TRPV6: variants seen among roughly 807,000 people sequenced by gnomAD.
TRPV6 encodes the protein Alu-binding protein with zinc finger domain.
A neutral mutation model predicts 79.0 loss-of-function variants in TRPV6; 39 were observed. The observed-to-expected ratio is 0.49, with a 90% confidence interval of 0.38 to 0.64. The LOEUF (loss-of-function observed/expected upper bound fraction) is 0.64, where lower values mean the gene tolerates loss of function less well. TRPV6 is among the 30% of genes least tolerant of loss of function. The pLI is 0.00. For missense variants in TRPV6, 813 were observed against 1,011.1 expected (o/e 0.80, Z 2.66); for synonymous variants, 373 against 391.9 (o/e 0.95, Z 0.57).
intron 6 of TRPV6, chr7:142,876,207 T>G (rs4987659): frequency 0.034 from 28,734 of 835,184 alleles, 1,163 homozygotes; most frequent in African/African-American, 0.18. Flanking sequence ...GGATCTAGAC[T>G]CTGTAACCCC....
At chr7:142,882,022 G>A (rs1038407105) in intron 1 of TRPV6, 1 of 152,212 alleles carries the variant, frequency 6.6e-6, no homozygotes, top group Non-Finnish European at 1.5e-5. Context: ...CAGAGACAGA[G>A]CCACGACGCA....
At position 142,876,759 on chromosome 7, in the gene TRPV6, A is replaced by G; in HGVS notation, c.686T>C (p.Ile229Thr). The change falls in exon 5 of 15, where the codon ATC (isoleucine) becomes ACC (threonine). Residue 229 changes from isoleucine to threonine, a missense_variant. Physicochemically the swap from Ile to Thr is moderately conservative, Grantham distance 89. This residue lies in a region of TRPV6 where 555 missense variants were observed against 631.0 expected (regional missense o/e 0.88). Transcript: ENST00000359396. The stretch of plus-strand genomic sequence containing the variant: ...CTTACCCAGGGAGTCCTGGGCCCGG[A>G]TGTCAGCTCCATGCTCAATGAGCAG... The G allele has an allele frequency of 6.2e-7, 1 of 1,613,894 alleles. No individual in the cohort carries two copies. The highest frequency in any genetic ancestry group is 8.5e-7 in the Non-Finnish European group (1 of 1,179,964).
intron 1 of TRPV6, chr7:142,882,082 G>T (rs1795202446): frequency 6.6e-6 from 1 of 152,236 alleles, no homozygotes; most frequent in African/African-American, 2.4e-5. Flanking sequence ...AATCAGGGCT[G>T]GAAGAGGAGT....
intron 3 of TRPV6, 23 bp from the exon 4 acceptor site, chr7:142,877,302 T>C: frequency 6.2e-7 from 1 of 1,612,098 alleles, no homozygotes; most frequent in Non-Finnish European, 8.5e-7. Context: ...CAGCTGTCAG[T>C]CACGGGTCTG....
rs376154020 is a variant in TRPV6 at position 142,874,949 on chromosome 7, C to T, written c.1361G>A (p.Arg454His). 12 of 1,613,956 alleles carry T rather than the reference C, an allele frequency of 7.4e-6. No homozygotes were observed. The highest frequency in any genetic ancestry group is 2.7e-5 in the African/African-American group (2 of 74,882). The stretch of plus-strand genomic sequence containing the variant: ...CCCAAGGATGGTCTGTCCAAAGAAG[C>T]GAGTGACCCCCATTCTGAAGATGTC... Residue 454 changes from arginine (R) to histidine (H), a missense_variant, in exon 10 of 15, where the codon CGC (arginine) becomes CAC (histidine). Coordinates refer to ENST00000359396, the MANE Select transcript of TRPV6 (RefSeq NM_018646.6).
Position 142,885,673 on chromosome 7 carries a change from G to T in TRPV6, c.-37C>A, listed in dbSNP as rs1795291892. ...TGCCTTCCTGACGAGTTCCTTGGGA[G>T]TCTCCCAGCAGCCCCAGCCAGTTTG... On this transcript the variant is annotated 5_prime_UTR_variant, in exon 1 of 15. Coordinates refer to ENST00000359396, the MANE Select transcript of TRPV6 (RefSeq NM_018646.6). 1 of 1,041,502 alleles carries T rather than the reference G, an allele frequency of 9.6e-7. No homozygotes were observed. Among genetic ancestry groups the T allele is most frequent in the Non-Finnish European group, 1.3e-6 (1 of 746,534 alleles). The allele number at this position is 1,041,502 out of a possible 1,614,324, so 64.5% of individuals were successfully genotyped here.
chr7:142,876,714 C>G (rs1795080814), intron 5 of TRPV6, 25 bp downstream of exon 5: 1 of 1,613,996 alleles, frequency 6.2e-7, no homozygotes, highest in Non-Finnish European at 8.5e-7. Flanking sequence ...AGCATCCCAG[C>G]TCCCCTCCCC....
Position 142,874,580 on chromosome 7 carries a change from A to G in TRPV6, c.1483T>C (p.Ser495Pro). The change falls in exon 11 of 15, where the codon TCC becomes CCC. Residue 495 changes from serine (S) to proline (P), a missense_variant. By Grantham distance (74) the Ser-to-Pro change is moderately conservative. Coordinates refer to ENST00000359396, the MANE Select transcript of TRPV6 (RefSeq NM_018646.6). ...CACCAGCCCAGCACGAGTGCAAAGG[A>G]CATGGGTACCACCTCCCCGCTGGCA... 1 of 1,614,088 alleles carries G rather than the reference A, an allele frequency of 6.2e-7. No homozygotes were observed. Among genetic ancestry groups the G allele is most frequent in the African/African-American group, 1.3e-5 (1 of 75,006 alleles).
rs1260141941 is a variant in TRPV6, at chr7:142,874,647, A to G, written c.1416T>C (p.Tyr472=). Residue 472 remains tyrosine (Y), a synonymous_variant, in exon 11 of 15, where the codon TAT becomes TAC. Transcript: ENST00000359396. ...CCATGGTCACCAGCACCATGAAGGC[A>G]TAGGTGATGCTGGGGGAGCAGGGAG... 1 of 1,613,638 alleles carries G rather than the reference A, an allele frequency of 6.2e-7. No individual in the cohort carries two copies. The highest frequency in any genetic ancestry group is 8.5e-7 in the Non-Finnish European group (1 of 1,179,734).
chr7:142,871,595 C>G lies in TRPV6; in HGVS notation c.*112G>C, dbSNP rs1013174824. On this transcript the variant is annotated 3_prime_UTR_variant, in exon 15 of 15. Transcript: ENST00000359396. ...ATTCCTTGGCGTTCATGCTACTCCTCTTTCTCCCCTGGGGCCTGGGAGATG... is the reference window on the plus strand; with the variant it reads ...ATTCCTTGGCGTTCATGCTACTCCTGTTTCTCCCCTGGGGCCTGGGAGATG... 9.1e-6 allele frequency: 12 copies of G among 1,323,224 alleles called. No individual in the cohort carries two copies. The African/African-American group carries it at 1.5e-4, about 16-fold the overall frequency. The allele number at this position is 1,323,224 out of a possible 1,614,324, so 82.0% of individuals were successfully genotyped here.
chr7:142,876,142 G>T lies in TRPV6; in HGVS notation c.883-238C>A, dbSNP rs1260087640. On this transcript the variant is annotated intron_variant, in intron 6 of 14. Coordinates refer to ENST00000359396, the MANE Select transcript of TRPV6 (RefSeq NM_018646.6). Reference sequence around the variant, plus strand: ...GAGAGACGAGAGGCTGGAGGGCCCTGCTCTGGGGGCTGAAAGGGAAGGTGG... The same window carrying T: ...GAGAGACGAGAGGCTGGAGGGCCCTTCTCTGGGGGCTGAAAGGGAAGGTGG... 8.8e-6 allele frequency: 6 copies of T among 680,606 alleles called. No homozygotes were observed. The South Asian group carries it at 1.1e-4, about 13-fold the overall frequency. The allele number at this position is 680,606 out of a possible 1,614,324, so 42.2% of individuals were successfully genotyped here.
At chr7:142,884,867 T>A (rs1427832406) in intron 1 of TRPV6, 3 of 152,470 alleles carry the variant, frequency 2.0e-5, no homozygotes, top group Admixed American at 6.5e-5. Context: ...ATGAGACAGA[T>A]ACATAGGAAT....
At chr7:142,880,461 A>G (rs1450956509) in intron 1 of TRPV6, 2 of 152,168 alleles carry the variant, frequency 1.3e-5, no homozygotes, top group Admixed American at 1.3e-4. Flanking sequence ...CCCTCCTCCA[A>G]TATGCTTCCA....
In TRPV6 at chr7:142,885,432, A is replaced by G. The variant is rs754021127; in HGVS notation, c.205T>C (p.Trp69Arg). 1.2e-6 allele frequency: 2 copies of G among 1,613,860 alleles called. No individual in the cohort carries two copies. Among genetic ancestry groups the G allele is most frequent in the Non-Finnish European group, 1.7e-6 (2 of 1,179,852 alleles). Residue 69 changes from tryptophan (W) to arginine (R), a missense_variant, in exon 1 of 15, where the codon TGG becomes CGG. Physicochemically the swap from Trp to Arg is moderately radical, Grantham distance 101 (BLOSUM62 -3). This residue lies in a region of TRPV6 where 555 missense variants were observed against 631.0 expected (regional missense o/e 0.88). Coordinates refer to ENST00000359396, the MANE Select transcript of TRPV6 (RefSeq NM_018646.6). The stretch of plus-strand genomic sequence containing the variant: ...TTCTGCTCATCTCGGCTCTGGGCCC[A>G]GGACTCCCGTCTCTGGAACCATCTG...
chr7:142,873,700 G>C lies in TRPV6; in HGVS notation c.1656C>G (p.Phe552Leu), dbSNP rs1794993775. 6.2e-7 allele frequency: 1 copy of C among 1,614,114 alleles called. No individual in the cohort carries two copies. Among genetic ancestry groups the C allele is most frequent in the Non-Finnish European group, 8.5e-7 (1 of 1,179,998 alleles). The stretch of plus-strand genomic sequence containing the variant: ...CTAGCTCCTCGGGGTCCTCTGTCTG[G>C]AAGATGATATAGAAGGCTGCTCCAC... The change falls in exon 13 of 15, where the codon TTC (phenylalanine) becomes TTG (leucine). Residue 552 changes from phenylalanine (F) to leucine (L), a missense_variant. Coordinates refer to ENST00000359396, the MANE Select transcript of TRPV6 (RefSeq NM_018646.6). The surrounding 1 kb of genome is among the most constrained non-coding windows in gnomAD (Gnocchi z 4.8).
Position 142,873,801 on chromosome 7 carries a change from G to A in TRPV6, c.1640-85C>T. 6.4e-7 allele frequency: 1 copy of A among 1,561,116 alleles called. No homozygotes were observed. ...CGGGCTCTGCGTGCATGTCCATCCTGGTCCCTTCATCTCAATATCACCAGC... is the reference window on the plus strand; with the variant it reads ...CGGGCTCTGCGTGCATGTCCATCCTAGTCCCTTCATCTCAATATCACCAGC... On this transcript the variant is annotated intron_variant, in intron 12 of 14. Transcript: ENST00000359396. This position sits in a 1 kb window ranked among gnomAD's most constrained non-coding sequence, Gnocchi z 4.8.
chr7:142,875,576 C>T lies in TRPV6; in HGVS notation c.1134G>A (p.Leu378=). 6.2e-7 allele frequency: 1 copy of T among 1,613,596 alleles called. No homozygotes were observed. The highest frequency in any genetic ancestry group is 1.7e-5 in the Admixed American group (1 of 60,010). ...AGCACATGGTGAAGCAGATGATGTA[C>T]AGCAGATATATGGCACCCAGCATGC... is the stretch of plus-strand genomic sequence containing the variant. The change falls in exon 8 of 15, where the codon CTG becomes CTA. Residue 378 remains leucine (L), a synonymous_variant. Coordinates refer to ENST00000359396, the MANE Select transcript of TRPV6 (RefSeq NM_018646.6).
chr7:142,885,670 G>T lies in TRPV6; in HGVS notation c.-34C>A. On this transcript the variant is annotated 5_prime_UTR_variant, in exon 1 of 15. Transcript: ENST00000359396. Reference sequence around the variant, plus strand: ...TCCTGCCTTCCTGACGAGTTCCTTGGGAGTCTCCCAGCAGCCCCAGCCAGT... The same window carrying T: ...TCCTGCCTTCCTGACGAGTTCCTTGTGAGTCTCCCAGCAGCCCCAGCCAGT... 1 of 1,089,432 alleles carries T rather than the reference G, an allele frequency of 9.2e-7. No individual in the cohort carries two copies. Among genetic ancestry groups the T allele is most frequent in the Non-Finnish European group, 1.3e-6 (1 of 787,580 alleles). The allele number at this position is 1,089,432 out of a possible 1,614,324, so 67.5% of individuals were successfully genotyped here. A position where few individuals can be genotyped will look rare whatever the true frequency, so the allele number is the denominator to read the frequency against.
chr7:142,884,583 T>A (rs1381013307), intron 1 of TRPV6: 3 of 152,248 alleles, frequency 2.0e-5, no homozygotes, highest in Non-Finnish European at 4.4e-5. Flanking sequence ...TACTCCAAGC[T>A]GTCATGGTGA....
Sources: allele counts gnomAD v4.1 joint callset, GRCh38; gene constraint gnomAD v4.1.1; regional missense constraint gnomAD v4.1.1; non-coding constraint Gnocchi (gnomAD v3.1); transcripts MANE v1.5; gene names NCBI Gene and HGNC (gene_info 2026-07-23, HGNC 2026-07-21).